Variants in RAD51C observed in about 807,000 individuals in gnomAD.
The protein encoded by RAD51C is RAD51 paralog C, also known as DNA repair protein RAD51 homolog 3.
RAD51C carries 42 observed loss-of-function variants against 45.0 expected under a neutral mutation model. The ratio of observed to expected loss-of-function variants is 0.93; its 90% CI spans 0.73 to 1.21. The LOEUF (loss-of-function observed/expected upper bound fraction) is 1.21, where lower values mean the gene tolerates loss of function less well. Among genes scored for constraint, RAD51C ranks in the 50% most tolerant of loss-of-function variants. RAD51C has a pLI of 0.00. For missense variants in RAD51C, 474 were observed against 452.2 expected, an observed-to-expected ratio of 1.05 and a Z score of -0.44; for synonymous variants, 172 against 159.8, an observed-to-expected ratio of 1.08 and a Z score of -0.58.
intron 5 of RAD51C, among the ~76,000 whole-genome samples, chr17:58,720,416 A>G (rs1296822052): frequency 7.6e-6 from 1 of 132,446 alleles, no homozygotes; most frequent in African/African-American, 2.6e-5. Flanking sequence ...ACTCTGTCTC[A>G]AAAAAAAAAA....
intron 3 of RAD51C, among the ~76,000 whole-genome samples, chr17:58,699,658 T>G (rs1431148076): frequency 6.6e-6 from 1 of 152,166 alleles, no homozygotes; most frequent in Non-Finnish European, 1.5e-5. Context: ...AGTTCCATCT[T>G]CCCTCTCTTA....
intron 5 of RAD51C, among the ~76,000 whole-genome samples, chr17:58,712,076 C>T (rs190143469): frequency 6.6e-6 from 1 of 151,798 alleles, no homozygotes; most frequent in East Asian, 1.9e-4. Flanking sequence ...TGGCCGGGCA[C>T]GGCGGCTCAC....
chr17:58,725,561 A>G (rs1261771946), intron 7 of RAD51C, among the ~76,000 whole-genome samples: 1 of 152,214 alleles, frequency 6.6e-6, no homozygotes, highest in Non-Finnish European at 1.5e-5. Flanking sequence ...TGAACTCAAC[A>G]GGAGGAAAAG....
rs28363320 is a variant in RAD51C, at chr17:58,721,056, G to A, written c.904+244G>A. 4.8e-3 allele frequency among the ~76,000 whole-genome samples: 729 copies of A among 152,158 alleles called. 4 individuals are homozygous for A. The highest frequency in any genetic ancestry group is 8.3e-3 in the Non-Finnish European group (562 of 68,000). ...TCCCAACACCTTGGGAGGCCGAGGC[G>A]GATCACTTGAGGCCAGGAGTTCAAG... is the stretch of plus-strand genomic sequence containing the variant. On this transcript the variant is annotated intron_variant, in intron 6 of 8. Coordinates refer to ENST00000337432, the MANE Select transcript of RAD51C (RefSeq NM_058216.3).
intron 2 of RAD51C, among the ~76,000 whole-genome samples, chr17:58,696,472 G>A (rs2048011868): frequency 6.6e-6 from 1 of 152,076 alleles, no homozygotes; most frequent in African/African-American, 2.4e-5. Flanking sequence ...CTTAATCTTG[G>A]TTTTATAGGC....
intron 3 of RAD51C, among the ~76,000 whole-genome samples, chr17:58,698,739 G>A (rs2048107381): frequency 6.6e-6 from 1 of 151,336 alleles, no homozygotes; most frequent in Admixed American, 6.6e-5. Flanking sequence ...CAGGAGCCAT[G>A]GCGAAACCCC....
At chr17:58,721,680 A>C (rs899925810) in intron 6 of RAD51C, among the ~76,000 whole-genome samples, 12 of 151,548 alleles carry the variant, frequency 7.9e-5, no homozygotes, top group East Asian at 1.9e-4. Context: ...AATCGCTTGA[A>C]CCTGGGGGGC....
At position 58,696,815 on chromosome 17, in the gene RAD51C, G is replaced by T. The variant is rs2143748469; in HGVS notation, c.527G>T (p.Cys176Phe). The T allele has an allele frequency of 1.2e-6, 2 of 1,614,182 alleles. No homozygotes were observed. The highest frequency in any genetic ancestry group is 1.3e-5 in the African/African-American group (1 of 75,072). ...VDRVVDLATACIQHLQLIAEK... is the reference protein window; with the variant it reads ...VDRVVDLATAFIQHLQLIAEK... ...AGAGTGGTAGACCTTGCTACTGCCT[G>T]CATTCAGCACCTTCAGCTTATAGCA... The change falls in exon 3 of 9, where the codon TGC becomes TTC. Residue 176 changes from cysteine (C) to phenylalanine (F), a missense_variant. Transcript: ENST00000337432.
chr17:58,735,340 G>A lies in RAD51C; in HGVS notation c.*1118G>A, dbSNP rs979877441. 1.3e-5 allele frequency: 2 copies of A among 152,072 alleles called. No homozygotes were observed. The highest frequency in any genetic ancestry group is 1.3e-4 in the Admixed American group (2 of 15,256). The allele number at this position is 152,072 out of a possible 1,614,324, so 9.4% of individuals were successfully genotyped here. On this transcript the variant is annotated 3_prime_UTR_variant, in exon 9 of 9. Coordinates refer to ENST00000337432, the MANE Select transcript of RAD51C (RefSeq NM_058216.3). Reference sequence around the variant, plus strand: ...CCTCCTGAGTAGCTGGGACTACAGGGAGGCACTACCATGCCCTGCTAATTT... The same window carrying A: ...CCTCCTGAGTAGCTGGGACTACAGGAAGGCACTACCATGCCCTGCTAATTT...
rs867496959 is a variant in RAD51C at position 58,715,154 on chromosome 17, C to A, written c.837+5164C>A. On this transcript the variant is annotated intron_variant, in intron 5 of 8. Coordinates refer to ENST00000337432, the MANE Select transcript of RAD51C (RefSeq NM_058216.3). ...TTAAAAAAAAAAAAACAAAAAAAAA[C>A]AAAAAACCTCTTTTCAGCTGGGTGC... Among the ~76,000 whole-genome samples, 338 of 146,962 alleles carry A rather than the reference C, an allele frequency of 2.3e-3. 2 individuals carry two copies. The highest frequency in any genetic ancestry group is 4.0e-3 in the Non-Finnish European group (269 of 66,600).
At chr17:58,701,944 A>G (rs2143787832) in intron 3 of RAD51C, among the ~76,000 whole-genome samples, 1 of 152,100 alleles carries the variant, frequency 6.6e-6, no homozygotes, top group Non-Finnish European at 1.5e-5. Context: ...ATACTATAGC[A>G]TTCAAGAGAA....
intron 3 of RAD51C, among the ~76,000 whole-genome samples, chr17:58,697,273 C>G (rs1212374714): frequency 6.6e-6 from 1 of 152,080 alleles, no homozygotes; most frequent in African/African-American, 2.4e-5. Context: ...ATGCAGTGCT[C>G]ATGCCTGTAA....
intron 7 of RAD51C, among the ~76,000 whole-genome samples, chr17:58,724,794 C>T (rs549873286): frequency 9.2e-5 from 14 of 152,176 alleles, no homozygotes; most frequent in African/African-American, 2.9e-4. Flanking sequence ...CTAGCCTCTC[C>T]GCTTTGTGAT....
At chr17:58,725,990 AC>A (rs1196337845) in intron 7 of RAD51C, among the ~76,000 whole-genome samples, 2 of 103,072 alleles carry the variant, frequency 1.9e-5, no homozygotes, top group Non-Finnish European at 2.0e-5. Context: ...GACTCCATCC[AC>A]CCCCTGCAAA....
chr17:58,695,037 G>A lies in RAD51C; in HGVS notation c.252G>A (p.Lys84=), dbSNP rs786202890. The A allele has an allele frequency of 6.2e-7, 1 of 1,614,072 alleles. No individual in the cohort carries two copies. Among genetic ancestry groups the A allele is most frequent in the Non-Finnish European group, 8.5e-7 (1 of 1,180,000 alleles). ...CTGGTACATCTGAGTCACACAAGAA[G>A]TGTACAGCACTGGAACTTCTTGAGC... The part of the protein sequence containing the change: ...RYAGTSESHK[K]CTALELLEQE... Residue 84 remains lysine, a synonymous_variant, in exon 2 of 9, where the codon AAG becomes AAA. Coordinates refer to ENST00000337432, the MANE Select transcript of RAD51C (RefSeq NM_058216.3).
intron 2 of RAD51C, among the ~76,000 whole-genome samples, chr17:58,695,549 G>A (rs2047973738): frequency 6.6e-6 from 1 of 152,180 alleles, no homozygotes; most frequent in African/African-American, 2.4e-5. Context: ...ACTTTGGGAG[G>A]CCGAGGCAGG....
chr17:58,723,464 C>G (rs548132431), intron 6 of RAD51C, among the ~76,000 whole-genome samples: 16 of 151,906 alleles, frequency 1.1e-4, no homozygotes, highest in East Asian at 3.9e-4. Flanking sequence ...TGCTCTCCCC[C>G]CAAGAGGCAA....
intron 2 of RAD51C, among the ~76,000 whole-genome samples, chr17:58,696,248 C>CG (rs924658812): frequency 1.1e-4 from 17 of 152,016 alleles, no homozygotes; most frequent in African/African-American, 4.1e-4. Context: ...CTGGCTAACA[C>CG]GGTGAAACCC....
Position 58,692,609 on chromosome 17 carries a change from G to A in RAD51C, c.-35G>A, listed in dbSNP as rs1598448109. On this transcript the variant is annotated 5_prime_UTR_variant, in exon 1 of 9. Transcript: ENST00000337432. ...GCACGCCCCAGCGAGGGCGTGCGGA[G>A]TTTGGCTGCTCCGGGGTTAGCAGGT... 1 of 1,612,952 alleles carries A rather than the reference G, an allele frequency of 6.2e-7. No homozygotes were observed. Among genetic ancestry groups the A allele is most frequent in the East Asian group, 2.2e-5 (1 of 44,872 alleles).
Sources: allele counts gnomAD v4.1 joint callset (sites outside exome capture counted in the v4.1 genomes callset), GRCh38; gene constraint gnomAD v4.1.1; transcripts MANE v1.5; gene names NCBI Gene and HGNC (gene_info 2026-07-23, HGNC 2026-07-21).